Variants in SPECC1 observed in about 807,000 individuals in gnomAD.
The protein encoded by SPECC1 is cytospin-B.
A neutral mutation model predicts 104.1 loss-of-function variants in SPECC1; 62 were observed. That is an observed-to-expected ratio of 0.60 (90% CI 0.49 to 0.74). The LOEUF (loss-of-function observed/expected upper bound fraction) is 0.74, where lower values mean the gene tolerates loss of function less well. Among genes scored for constraint, SPECC1 ranks in the 30% least tolerant of loss-of-function variants. SPECC1 has a pLI of 0.00. For synonymous variants in SPECC1, 513 were observed against 501.6 expected, an observed-to-expected ratio of 1.02 and a Z score of -0.30; for missense variants, 1,306 against 1,310.5, an observed-to-expected ratio of 1.00 and a Z score of 0.05.
chr17:20,105,214 T>C (rs1320606802), intron 2 of SPECC1, among the ~76,000 whole-genome samples: 2 of 152,098 alleles, frequency 1.3e-5, no homozygotes, highest in Non-Finnish European at 2.9e-5. Flanking sequence ...CTCAGCCTCC[T>C]GAGTAGCTAG....
At chr17:20,169,663 A>T (rs191550827) in intron 3 of SPECC1, among the ~76,000 whole-genome samples, 20 of 152,042 alleles carry the variant, frequency 1.3e-4, no homozygotes, top group African/African-American at 4.6e-4. Flanking sequence ...CTGTGATCTT[A>T]TGGTTTTAGA....
chr17:20,129,914 C>G (rs1392301866), intron 3 of SPECC1, among the ~76,000 whole-genome samples: 2 of 152,032 alleles, frequency 1.3e-5, no homozygotes, highest in Non-Finnish European at 2.9e-5. Context: ...CCACTGCGCC[C>G]AGCTAATTTT....
chr17:20,260,319 C>T, intron 12 of SPECC1, 25 bp downstream of exon 12: 1 of 1,606,200 alleles, frequency 6.2e-7, no homozygotes, highest in Admixed American at 1.7e-5. Flanking sequence ...CAGCCAACTT[C>T]CAGCTGCCCC....
intron 3 of SPECC1, among the ~76,000 whole-genome samples, chr17:20,121,586 C>G (rs559424152): frequency 6.6e-6 from 1 of 152,200 alleles, no homozygotes; most frequent in Non-Finnish European, 1.5e-5. Flanking sequence ...GCCTTGGCCT[C>G]CCAAAGTGCT....
intron 13 of SPECC1, 129 bp downstream of exon 13, chr17:20,297,206 A>G: frequency 4.4e-6 from 3 of 687,692 alleles, no homozygotes. Context: ...GGTACAGATA[A>G]CTCCTGAATG....
intron 1 of SPECC1, among the ~76,000 whole-genome samples, chr17:20,041,035 T>C (rs1012691203): frequency 5.9e-5 from 9 of 152,014 alleles, no homozygotes; most frequent in Non-Finnish European, 1.3e-4. Flanking sequence ...TCCTTTCTCT[T>C]TTTCCATCAT....
rs373769665 is a variant in SPECC1, at chr17:20,228,068, A to G, written c.2071+448A>G. On this transcript the variant is annotated intron_variant, in intron 5 of 14. Coordinates refer to ENST00000395527, the MANE Select transcript of SPECC1 (RefSeq NM_001243439.2). ...GAATGTCACCTAAGAAACAATCATT[A>G]ATCTCCAGTTTAAAAACTAGAGATT... Among the ~76,000 whole-genome samples, 7 of 152,352 alleles carry G rather than the reference A, an allele frequency of 4.6e-5. No individual in the cohort carries two copies. In the East Asian group the frequency reaches 7.7e-4, roughly 17 times the overall value.
At chr17:20,167,199 G>C (rs1217255565) in intron 3 of SPECC1, among the ~76,000 whole-genome samples, 1 of 147,332 alleles carries the variant, frequency 6.8e-6, no homozygotes, top group East Asian at 1.9e-4. Context: ...CTACATATAT[G>C]TGTTTATATA....
At chr17:20,224,168 T>C (rs372032489) in intron 4 of SPECC1, among the ~76,000 whole-genome samples, 2 of 152,198 alleles carry the variant, frequency 1.3e-5, no homozygotes, top group South Asian at 2.1e-4. Flanking sequence ...CAGAGTCTCT[T>C]GTTCCTTTTC....
intron 7 of SPECC1, among the ~76,000 whole-genome samples, chr17:20,235,547 G>A (rs140078789): frequency 1.4e-4 from 22 of 152,216 alleles, no homozygotes; most frequent in African/African-American, 5.3e-4. Context: ...ATATTGTGCC[G>A]CATACAAGCT....
intron 1 of SPECC1, among the ~76,000 whole-genome samples, chr17:20,051,120 CTTTCTTTCTTTCT>C (rs2045750554): frequency 0.02 from 2,497 of 126,376 alleles, 18 homozygotes; most frequent in Non-Finnish European, 0.029. Flanking sequence ...TTCTTTCTTT[CTTTCTTTCTTTCT>C]TTCTTTCCTT....
At chr17:20,158,931 T>G (rs1201946115) in intron 3 of SPECC1, among the ~76,000 whole-genome samples, 1 of 151,834 alleles carries the variant, frequency 6.6e-6, no homozygotes, top group African/African-American at 2.4e-5. Flanking sequence ...GTTTTGTTTT[T>G]TTTTGTAGAG....
intron 1 of SPECC1, among the ~76,000 whole-genome samples, chr17:20,044,649 T>C (rs3909257): frequency 0.069 from 10,510 of 152,208 alleles, 985 homozygotes; most frequent in African/African-American, 0.21. Flanking sequence ...GGAAGCCTAG[T>C]GTCAGGTCCT....
chr17:20,312,406 G>A (rs1425446589), intron 14 of SPECC1, among the ~76,000 whole-genome samples: 1 of 152,172 alleles, frequency 6.6e-6, no homozygotes, highest in Non-Finnish European at 1.5e-5. Context: ...TGAAGTTCAA[G>A]CATGTAAGAT....
chr17:20,256,137 A>AC (rs2039823053), intron 10 of SPECC1, among the ~76,000 whole-genome samples: 1 of 152,152 alleles, frequency 6.6e-6, no homozygotes, highest in African/African-American at 2.4e-5. Context: ...TCGGCCTCCC[A>AC]AAGTGCTGGG....
At chr17:20,127,595 A>G (rs1475776584) in intron 3 of SPECC1, among the ~76,000 whole-genome samples, 3 of 152,308 alleles carry the variant, frequency 2.0e-5, no homozygotes, top group African/African-American at 4.8e-5. Context: ...GGCGTAAGCC[A>G]CAGCGCCCAG....
At chr17:20,304,117 C>CAAA (rs774130653) in intron 13 of SPECC1, among the ~76,000 whole-genome samples, 2 of 39,336 alleles carry the variant, frequency 5.1e-5, no homozygotes, top group Non-Finnish European at 9.6e-5. Flanking sequence ...ACTAAAAATA[C>CAAA]AAAAAAAAAA....
At chr17:20,061,540 T>C (rs1003217440) in intron 1 of SPECC1, among the ~76,000 whole-genome samples, 6 of 152,160 alleles carry the variant, frequency 3.9e-5, no homozygotes, top group African/African-American at 1.4e-4. Context: ...TCCTTAAAGA[T>C]GCAACCTTTG....
chr17:20,205,946 C>A, intron 4 of SPECC1, 34 bp downstream of exon 4: 1 of 1,567,334 alleles, frequency 6.4e-7, no homozygotes, highest in South Asian at 1.2e-5. Context: ...GGTATTTGCT[C>A]ATCCTTGTTC....
Sources: allele counts gnomAD v4.1 joint callset (sites outside exome capture counted in the v4.1 genomes callset), GRCh38; gene constraint gnomAD v4.1.1; transcripts MANE v1.5; gene names NCBI Gene and HGNC (gene_info 2026-07-23, HGNC 2026-07-21).